EIF4G3: variants seen among roughly 807,000 people sequenced by gnomAD.
EIF4G3 encodes the protein eIF-4-gamma 3.
EIF4G3 carries 34 observed loss-of-function variants against 186.4 expected under a neutral mutation model. The ratio of observed to expected loss-of-function variants is 0.18; its 90% CI spans 0.14 to 0.24. The LOEUF is 0.24. Among genes scored for constraint, EIF4G3 ranks in the 10% least tolerant of loss-of-function variants. The pLI is 1.00. For synonymous variants in EIF4G3, 673 were observed against 679.5 expected (o/e 0.99, Z 0.15); for missense variants, 1,536 against 1,948.5 (o/e 0.79, Z 3.99).
chr1:20,913,670 A>AT (rs1305826047), intron 14 of EIF4G3, among the ~76,000 whole-genome samples: 1 of 151,052 alleles, frequency 6.6e-6, no homozygotes, highest in African/African-American at 2.4e-5. Context: ...GGTTTTATAA[A>AT]TTTTTTCCCT....
intron 4 of EIF4G3, among the ~76,000 whole-genome samples, chr1:21,030,805 T>A (rs577369203): frequency 6.6e-6 from 1 of 152,218 alleles, no homozygotes; most frequent in Non-Finnish European, 1.5e-5. Context: ...AGCGACCACA[T>A]TGGACAGTGC....
At chr1:21,172,489 C>A (rs2098000680) in intron 2 of EIF4G3, among the ~76,000 whole-genome samples, 2 of 152,190 alleles carry the variant, frequency 1.3e-5, no homozygotes, top group South Asian at 4.1e-4. Context: ...TTAATGAATT[C>A]ATAAACTTGC....
intron 3 of EIF4G3, among the ~76,000 whole-genome samples, chr1:21,056,983 C>T (rs907008342): frequency 3.9e-5 from 6 of 152,124 alleles, no homozygotes; most frequent in African/African-American, 1.4e-4. Flanking sequence ...GCCCGAGAAA[C>T]ATTTTTGCTT....
At chr1:20,946,633 T>C (rs1356089337) in intron 13 of EIF4G3, among the ~76,000 whole-genome samples, 1 of 152,204 alleles carries the variant, frequency 6.6e-6, no homozygotes, top group African/African-American at 2.4e-5. Context: ...TCAAATACCA[T>C]ACATACATTG....
chr1:20,876,738 G>A (rs951813000), intron 20 of EIF4G3, among the ~76,000 whole-genome samples: 2 of 152,166 alleles, frequency 1.3e-5, no homozygotes, highest in Non-Finnish European at 2.9e-5. Context: ...GCTCCTGCCT[G>A]TAATCCCTGC....
At chr1:20,889,458 C>T (rs1049157851) in intron 18 of EIF4G3, among the ~76,000 whole-genome samples, 2 of 152,032 alleles carry the variant, frequency 1.3e-5, no homozygotes, top group Non-Finnish European at 2.9e-5. Flanking sequence ...CTGTGATGTC[C>T]GCAAAAAGAC....
intron 5 of EIF4G3, 127 bp downstream of exon 5, chr1:21,002,586 T>C (rs1340363263): frequency 3.2e-6 from 3 of 936,496 alleles, no homozygotes; most frequent in Non-Finnish European, 3.2e-6. Flanking sequence ...GTAGGAGTCA[T>C]AATAATAAAT....
intron 2 of EIF4G3, chr1:21,175,374 A>G (rs1377586120): frequency 6.6e-6 from 1 of 152,246 alleles, no homozygotes; most frequent in East Asian, 1.9e-4. Context: ...ACTTTCCTCC[A>G]GAAGCCCTGG....
chr1:20,914,598 A>T (rs562647197), intron 14 of EIF4G3, among the ~76,000 whole-genome samples: 2 of 152,218 alleles, frequency 1.3e-5, no homozygotes, highest in Non-Finnish European at 2.9e-5. Flanking sequence ...TAAGATAATT[A>T]ATGTGTATTG....
chr1:21,048,275 T>C (rs540209493), intron 4 of EIF4G3, among the ~76,000 whole-genome samples: 12 of 152,304 alleles, frequency 7.9e-5, no homozygotes, highest in Admixed American at 4.6e-4. Context: ...AATGGAAAAC[T>C]AAGCTATTTC....
chr1:20,839,847 C>T (rs558727000), intron 30 of EIF4G3, among the ~76,000 whole-genome samples: 74 of 129,902 alleles, frequency 5.7e-4, no homozygotes, highest in Non-Finnish European at 8.8e-4. Flanking sequence ...GAAATGACTA[C>T]GGAAAAATAT....
chr1:21,028,215 G>C (rs558960849), intron 4 of EIF4G3, among the ~76,000 whole-genome samples: 2 of 152,306 alleles, frequency 1.3e-5, no homozygotes, highest in African/African-American at 4.8e-5. Flanking sequence ...GATGGATCGT[G>C]TGATCACTGC....
chr1:21,120,709 A>G (rs1164789687), intron 2 of EIF4G3, among the ~76,000 whole-genome samples: 1 of 152,156 alleles, frequency 6.6e-6, no homozygotes, highest in Non-Finnish European at 1.5e-5. Context: ...GATACCAGTT[A>G]TAAATATGCA....
chr1:21,032,223 A>G (rs959212334), intron 4 of EIF4G3, among the ~76,000 whole-genome samples: 17 of 152,190 alleles, frequency 1.1e-4, no homozygotes. Flanking sequence ...ATTGCTTATA[A>G]TTTTTTATCC....
intron 2 of EIF4G3, among the ~76,000 whole-genome samples, chr1:21,146,712 A>G (rs2097449650): frequency 6.6e-6 from 1 of 151,946 alleles, no homozygotes; most frequent in African/African-American, 2.4e-5. Flanking sequence ...AGCCAAGATC[A>G]TGCCATTGCA....
At chr1:21,067,978 T>C (rs2095309329) in intron 3 of EIF4G3, among the ~76,000 whole-genome samples, 1 of 152,076 alleles carries the variant, frequency 6.6e-6, no homozygotes, top group South Asian at 2.1e-4. Flanking sequence ...GTTTGTATGT[T>C]TACTGTTCTG....
intron 2 of EIF4G3, among the ~76,000 whole-genome samples, chr1:21,135,690 T>C (rs571338789): frequency 2.6e-5 from 4 of 152,312 alleles, no homozygotes; most frequent in African/African-American, 9.6e-5. Context: ...ACTGATGGTG[T>C]ACACATTTTC....
intron 14 of EIF4G3, among the ~76,000 whole-genome samples, chr1:20,914,783 T>C (rs1281815882): frequency 2.0e-5 from 3 of 152,370 alleles, no homozygotes; most frequent in East Asian, 3.9e-4. Context: ...GAGATATTTT[T>C]CTCACTGATT....
chr1:20,808,478 G>A (rs773184238), intron 36 of EIF4G3, among the ~76,000 whole-genome samples: 12 of 151,718 alleles, frequency 7.9e-5, no homozygotes, highest in African/African-American at 1.7e-4. Context: ...TCAGGAGATC[G>A]AGACCATCCT....
Sources: gnomAD v4.1 joint callset for allele counts (sites outside exome capture counted in the v4.1 genomes callset) on GRCh38, gnomAD v4.1.1 for gene constraint, MANE v1.5 for transcripts, NCBI Gene and HGNC (gene_info 2026-07-23, HGNC 2026-07-21) for gene names.